The following TSTD2 variants were observed in gnomAD, a reference collection of about 807,000 sequenced individuals.
TSTD2 encodes thiosulfate sulfurtransferase/rhodanese-like domain-containing protein 2.
In TSTD2, 37 loss-of-function variants were observed where a neutral mutation model predicts 47.9. The observed-to-expected ratio is 0.77, with a 90% confidence interval of 0.59 to 1.02. The LOEUF (loss-of-function observed/expected upper bound fraction) is 1.02, where lower values mean the gene tolerates loss of function less well. Among genes scored for constraint, TSTD2 ranks in the 50% least tolerant of loss-of-function variants. The pLI, the probability that TSTD2 is intolerant of heterozygous loss-of-function variation, is 0.00. For missense variants in TSTD2, 586 were observed against 616.0 expected (o/e 0.95, Z 0.52); for synonymous variants, 201 against 215.9 (o/e 0.93, Z 0.61).
At chr9:97,617,713 C>A (rs540787583) in intron 4 of TSTD2, 44 bp downstream of exon 4, 2 of 1,567,886 alleles carry the variant, frequency 1.3e-6, no homozygotes, top group African/African-American at 1.4e-5. Context: ...GGTTGGCAGG[C>A]AAGATGGACC....
chr9:97,615,807 T>C (rs1203163499), intron 4 of TSTD2, among the ~76,000 whole-genome samples: 1 of 152,186 alleles, frequency 6.6e-6, no homozygotes, highest in Non-Finnish European at 1.5e-5. Flanking sequence ...AGAGTATCCA[T>C]CTTTCAGGGT....
At chr9:97,623,832 G>C (rs1443636000) in intron 3 of TSTD2, among the ~76,000 whole-genome samples, 1 of 152,046 alleles carries the variant, frequency 6.6e-6, no homozygotes, top group Non-Finnish European at 1.5e-5. Context: ...ACTCTAGCCT[G>C]GGTGACAGAG....
rs1409302404 is a variant in TSTD2, at chr9:97,625,724, A to C, written c.439T>G (p.Trp147Gly). 1 of 1,613,980 alleles carries C rather than the reference A, an allele frequency of 6.2e-7. No individual in the cohort carries two copies. The highest frequency in any genetic ancestry group is 1.3e-5 in the African/African-American group (1 of 74,930). Residue 147 changes from tryptophan (W) to glycine (G), a missense_variant, in exon 3 of 10, where the codon TGG (tryptophan) becomes GGG (glycine). By Grantham distance (184) the Trp-to-Gly change is radical. Coordinates refer to ENST00000341170, the MANE Select transcript of TSTD2 (RefSeq NM_139246.5). ...TTAAAGCAGCTTATATCAGGGAGCCAAGCAGACACGTCATGGCTATGTGGA... is the reference window on the plus strand; with the variant it reads ...TTAAAGCAGCTTATATCAGGGAGCCCAGCAGACACGTCATGGCTATGTGGA... ...CLPHSHDVSAWLPDISCFNPD... is the reference protein window; with the variant it reads ...CLPHSHDVSAGLPDISCFNPD...
Position 97,602,326 on chromosome 9 carries a change from G to T in TSTD2, c.*143C>A. Reference sequence around the variant, plus strand: ...AACGTGACTCCTCCCCTCCCGCTGTGAAGTGTAGACGGCTGCCACGGTGGC... The same window carrying T: ...AACGTGACTCCTCCCCTCCCGCTGTTAAGTGTAGACGGCTGCCACGGTGGC... On this transcript the variant is annotated 3_prime_UTR_variant, in exon 10 of 10. Coordinates refer to ENST00000341170, the MANE Select transcript of TSTD2 (RefSeq NM_139246.5). 1.0e-6 allele frequency: 1 copy of T among 958,342 alleles called. No individual in the cohort carries two copies. The highest frequency in any genetic ancestry group is 1.8e-5 in the South Asian group (1 of 54,938). 59.4% of individuals were successfully genotyped at this position (958,342 alleles called of 1,614,324 possible).
chr9:97,610,628 AT>A (rs1826442289), intron 5 of TSTD2, among the ~76,000 whole-genome samples, 177 bp from the exon 6 acceptor site: 1 of 152,226 alleles, frequency 6.6e-6, no homozygotes, highest in African/African-American at 2.4e-5. Flanking sequence ...TACTTACTGC[AT>A]ACCTGCCATG....
chr9:97,620,772 G>T (rs1434415577), intron 3 of TSTD2, among the ~76,000 whole-genome samples: 1 of 152,228 alleles, frequency 6.6e-6, no homozygotes, highest in African/African-American at 2.4e-5. Flanking sequence ...GAACTTGAGA[G>T]AGACGATTTA....
chr9:97,629,108 A>C (rs1421609505), intron 1 of TSTD2, among the ~76,000 whole-genome samples: 1 of 152,248 alleles, frequency 6.6e-6, no homozygotes, highest in Non-Finnish European at 1.5e-5. Context: ...AGTAACATGC[A>C]AAGTAGTCCC....
intron 3 of TSTD2, among the ~76,000 whole-genome samples, chr9:97,620,035 A>G (rs2131313987): frequency 6.6e-6 from 1 of 152,308 alleles, no homozygotes; most frequent in South Asian, 2.1e-4. Context: ...CAGCTCAGAA[A>G]ACTGTATCTG....
chr9:97,625,916 GA>G lies in TSTD2; in HGVS notation c.246del (p.Arg83GlyfsTer30). 1 of 1,614,020 alleles carries G rather than the reference GA, an allele frequency of 6.2e-7. No homozygotes were observed. The highest frequency in any genetic ancestry group is 8.5e-7 in the Non-Finnish European group (1 of 1,179,944). ...CTGGTTTGGTCTGTGAATAGCTGCC[GA>G]CAGCATTTCCACAATTTTTCTTTAC... is the stretch of plus-strand genomic sequence containing the variant. Reference protein sequence around the residue: ...FECKEKLWKCCRQLFTDQTSI... With the variant: ...FECKEKLWKCXRQLFTDQTSI... On this transcript the variant is annotated frameshift_variant, in exon 3 of 10. Transcript: ENST00000341170. LOFTEE classifies it high-confidence loss of function.
chr9:97,601,458 A>G lies in TSTD2; in HGVS notation c.*1011T>C. 1 of 1,014,754 alleles carries G rather than the reference A, an allele frequency of 9.9e-7. No individual in the cohort carries two copies. The highest frequency in any genetic ancestry group is 1.2e-6 in the Non-Finnish European group (1 of 847,108). The allele number at this position is 1,014,754 out of a possible 1,614,324, so 62.9% of individuals were successfully genotyped here. A position where few individuals can be genotyped will look rare whatever the true frequency, so the allele number is the denominator to read the frequency against. ...AGAGAGAACATTTAAAAGCTCAGAG[A>G]GTAAGTGCTGGGGAAAGCAGAGCTA... On this transcript the variant is annotated 3_prime_UTR_variant, in exon 10 of 10. Coordinates refer to ENST00000341170, the MANE Select transcript of TSTD2 (RefSeq NM_139246.5).
At chr9:97,629,333 A>C (rs1215170158) in intron 1 of TSTD2, among the ~76,000 whole-genome samples, 3 of 152,196 alleles carry the variant, frequency 2.0e-5, no homozygotes, top group Non-Finnish European at 4.4e-5. Flanking sequence ...ACAGACACAC[A>C]CAGGCAATAC....
chr9:97,629,576 C>T (rs1323531447), intron 1 of TSTD2, among the ~76,000 whole-genome samples: 1 of 152,162 alleles, frequency 6.6e-6, no homozygotes, highest in Non-Finnish European at 1.5e-5. Flanking sequence ...CTTCTCTTTC[C>T]TTTCTCATGA....
chr9:97,611,062 T>A (rs959860104), intron 5 of TSTD2: 1 of 153,524 alleles, frequency 6.5e-6, no homozygotes, highest in African/African-American at 2.4e-5. Flanking sequence ...TCCAAAATCA[T>A]ATGGTGACTC....
intron 3 of TSTD2, among the ~76,000 whole-genome samples, chr9:97,618,328 A>G (rs1465516393): frequency 2.0e-5 from 3 of 152,166 alleles, no homozygotes; most frequent in Admixed American, 2.0e-4. Flanking sequence ...AATTGAGGCC[A>G]ATTCCTCCCA....
At chr9:97,632,228 C>G (rs1054375537) in intron 1 of TSTD2, among the ~76,000 whole-genome samples, 3 of 152,180 alleles carry the variant, frequency 2.0e-5, no homozygotes, top group Non-Finnish European at 2.9e-5. Flanking sequence ...GATTTAGAAC[C>G]AGAGACCTTC....
At chr9:97,629,927 T>C (rs548357287) in intron 1 of TSTD2, among the ~76,000 whole-genome samples, 1 of 152,196 alleles carries the variant, frequency 6.6e-6, no homozygotes, top group African/African-American at 2.4e-5. Flanking sequence ...CCAATCTCCC[T>C]CTATATGACC....
intron 3 of TSTD2, among the ~76,000 whole-genome samples, chr9:97,618,563 T>G (rs1826581033): frequency 6.6e-6 from 1 of 152,254 alleles, no homozygotes; most frequent in Non-Finnish European, 1.5e-5. Flanking sequence ...TTGGAAACCC[T>G]GCAGACAGCA....
intron 9 of TSTD2, 57 bp downstream of exon 9, chr9:97,604,670 T>C (rs1826333840): frequency 1.2e-6 from 2 of 1,608,428 alleles, no homozygotes; most frequent in Non-Finnish European, 8.5e-7. Context: ...TTTTCTAGAA[T>C]AGTGAACTGA....
At chr9:97,610,954 A>ATAT in intron 5 of TSTD2, 1 of 152,702 alleles carries the variant, frequency 6.5e-6, no homozygotes, top group East Asian at 1.9e-4. Context: ...TGGTCTCTCA[A>ATAT]GTGAGCTAAT....
Sources: gnomAD v4.1 joint callset for allele counts (sites outside exome capture counted in the v4.1 genomes callset) on GRCh38, gnomAD v4.1.1 for gene constraint, MANE v1.5 for transcripts, NCBI Gene and HGNC (gene_info 2026-07-23, HGNC 2026-07-21) for gene names.